The following SYNPR variants were observed in gnomAD, a reference collection of about 807,000 sequenced individuals.
SYNPR encodes the protein synaptoporin.
In SYNPR, 23 loss-of-function variants were observed where a neutral mutation model predicts 32.9. The ratio of observed to expected loss-of-function variants is 0.70; its 90% CI spans 0.50 to 0.99. SYNPR has a LOEUF of 0.99. Ranked by LOEUF, SYNPR falls within the 50% of genes least tolerant of loss-of-function variation. The pLI, the probability that SYNPR is intolerant of heterozygous loss-of-function variation, is 0.00. For synonymous variants in SYNPR, 146 were observed against 135.9 expected, an observed-to-expected ratio of 1.07 and a Z score of -0.52; for missense variants, 318 against 349.3, an observed-to-expected ratio of 0.91 and a Z score of 0.71.
intron 2 of SYNPR, among the ~76,000 whole-genome samples, chr3:63,362,852 T>C (rs955363820): frequency 6.6e-6 from 1 of 152,196 alleles, no homozygotes; most frequent in East Asian, 1.9e-4. Flanking sequence ...ACCTTGATTC[T>C]AAAATTGCTC....
chr3:63,361,335 C>T (rs2087657126), intron 2 of SYNPR, among the ~76,000 whole-genome samples: 1 of 152,028 alleles, frequency 6.6e-6, no homozygotes, highest in Non-Finnish European at 1.5e-5. Context: ...CGCCTGTAAT[C>T]CCAGCACTTT....
intron 3 of SYNPR, among the ~76,000 whole-genome samples, chr3:63,487,219 A>G (rs1343534327): frequency 6.6e-6 from 1 of 152,204 alleles, no homozygotes; most frequent in East Asian, 1.9e-4. Flanking sequence ...GTTAAAGCTG[A>G]AGCAATGTAG....
At chr3:63,246,022 G>GA in intron 1 of SYNPR, among the ~76,000 whole-genome samples, 1 of 151,816 alleles carries the variant, frequency 6.6e-6, no homozygotes, top group African/African-American at 2.4e-5. Flanking sequence ...TTATGAAAAG[G>GA]AAAAAAGTGC....
Position 63,404,140 on chromosome 3 carries a change from T to C in SYNPR, c.85-76692T>C, listed in dbSNP as rs116127883. 2.3e-3 allele frequency among the ~76,000 whole-genome samples: 348 copies of C among 152,278 alleles called. 1 individual carries two copies. The highest frequency in any genetic ancestry group is 8.1e-3 in the African/African-American group (338 of 41,546). ...GCATTCGTTTTTATCCTGGAATAGA[T>C]GGTTTGTCCAGCTGTAGATGCTGTA... On this transcript the variant is annotated intron_variant, in intron 2 of 5. Coordinates refer to ENST00000478300, the MANE Select transcript of SYNPR (RefSeq NM_001130003.2).
intron 3 of SYNPR, among the ~76,000 whole-genome samples, chr3:63,500,359 G>C (rs1458533976): frequency 6.6e-6 from 1 of 152,010 alleles, no homozygotes; most frequent in African/African-American, 2.4e-5. Context: ...CTGAATCCAG[G>C]GTTACGAGAT....
chr3:63,231,081 G>A (rs1447066568), intron 1 of SYNPR, among the ~76,000 whole-genome samples: 2 of 152,090 alleles, frequency 1.3e-5, no homozygotes, highest in Non-Finnish European at 2.9e-5. Flanking sequence ...CAATTACAAA[G>A]ATATGGAACC....
intron 1 of SYNPR, among the ~76,000 whole-genome samples, chr3:63,248,959 G>GT (rs5849541): frequency 6.6e-6 from 1 of 151,776 alleles, no homozygotes; most frequent in Non-Finnish European, 1.5e-5. Flanking sequence ...CCTCAGTTTT[G>GT]TTTTTTTTAC....
intron 3 of SYNPR, among the ~76,000 whole-genome samples, chr3:63,503,914 T>C (rs946890474): frequency 6.6e-6 from 1 of 152,072 alleles, no homozygotes; most frequent in Admixed American, 6.6e-5. Context: ...GAATAGGATA[T>C]TGCCTTTAGT....
chr3:63,585,637 T>C (rs1475179900), intron 4 of SYNPR, among the ~76,000 whole-genome samples: 1 of 152,062 alleles, frequency 6.6e-6, no homozygotes, highest in Non-Finnish European at 1.5e-5. Context: ...CACAGAATCT[T>C]TTATCTGGAA....
chr3:63,456,085 T>C (rs566068188), intron 2 of SYNPR, among the ~76,000 whole-genome samples: 15 of 151,908 alleles, frequency 9.9e-5, no homozygotes, highest in Non-Finnish European at 2.1e-4. Flanking sequence ...TGCAGGGGAA[T>C]TCCTCTTTTT....
chr3:63,257,748 G>A (rs910827270), intron 2 of SYNPR, among the ~76,000 whole-genome samples: 90 of 152,066 alleles, frequency 5.9e-4, no homozygotes, highest in Admixed American at 3.9e-3. Flanking sequence ...TGGGCTAAAT[G>A]CTCCAATTAA....
At chr3:63,385,406 G>A (rs1409014617) in intron 2 of SYNPR, among the ~76,000 whole-genome samples, 3 of 152,118 alleles carry the variant, frequency 2.0e-5, no homozygotes, top group Admixed American at 6.6e-5. Context: ...GTAATTTTCC[G>A]ATGGTGTGAT....
At chr3:63,251,603 A>T (rs2086331417) in intron 1 of SYNPR, among the ~76,000 whole-genome samples, 1 of 152,156 alleles carries the variant, frequency 6.6e-6, no homozygotes, top group Non-Finnish European at 1.5e-5. Context: ...CAAATCCAGC[A>T]TGGCAGAGTA....
At chr3:63,331,909 C>T (rs1443518872) in intron 2 of SYNPR, among the ~76,000 whole-genome samples, 1 of 152,046 alleles carries the variant, frequency 6.6e-6, no homozygotes, top group African/African-American at 2.4e-5. Flanking sequence ...AGTTGATATG[C>T]CTCTTCTGGC....
chr3:63,367,862 A>C (rs2087747152), intron 2 of SYNPR, among the ~76,000 whole-genome samples: 1 of 152,210 alleles, frequency 6.6e-6, no homozygotes, highest in Non-Finnish European at 1.5e-5. Context: ...GGGCAAGCAC[A>C]ATCACTGATG....
chr3:63,499,892 G>C (rs1377543333), intron 3 of SYNPR, among the ~76,000 whole-genome samples: 1 of 145,978 alleles, frequency 6.9e-6, no homozygotes, highest in East Asian at 2.0e-4. Context: ...GTTCAGTGAA[G>C]AAGAAAAGAT....
intron 2 of SYNPR, among the ~76,000 whole-genome samples, chr3:63,262,214 A>G (rs963707130): frequency 1.3e-5 from 2 of 152,200 alleles, no homozygotes; most frequent in Non-Finnish European, 2.9e-5. Context: ...ATGCAATTTT[A>G]GGACTGGAAC....
intron 3 of SYNPR, among the ~76,000 whole-genome samples, chr3:63,513,449 T>A (rs1409005411): frequency 6.6e-6 from 1 of 152,150 alleles, no homozygotes; most frequent in Non-Finnish European, 1.5e-5. Flanking sequence ...TTCACGTAGA[T>A]CCCACTTTGT....
intron 2 of SYNPR, among the ~76,000 whole-genome samples, chr3:63,377,417 T>C (rs927559093): frequency 6.6e-6 from 1 of 152,084 alleles, no homozygotes; most frequent in South Asian, 2.1e-4. Flanking sequence ...TTTATAATTA[T>C]CAGGTTTAAG....
Sources: gnomAD v4.1 joint callset for allele counts (sites outside exome capture counted in the v4.1 genomes callset) on GRCh38, gnomAD v4.1.1 for gene constraint, MANE v1.5 for transcripts, NCBI Gene and HGNC (gene_info 2026-07-23, HGNC 2026-07-21) for gene names.